The following SHROOM3 variants were observed in gnomAD, a reference collection of about 807,000 sequenced individuals.
The protein encoded by SHROOM3 is shroom family member 3.
A neutral mutation model predicts 138.6 loss-of-function variants in SHROOM3; 47 were observed. The observed-to-expected ratio is 0.34, with a 90% confidence interval of 0.27 to 0.43. The LOEUF is 0.43. Among genes scored for constraint, SHROOM3 ranks in the 20% least tolerant of loss-of-function variants. The pLI is 1.00. For synonymous variants in SHROOM3, 1,062 were observed against 1,063.3 expected (o/e 1.00, Z 0.02); for missense variants, 2,491 against 2,596.5 (o/e 0.96, Z 0.88).
At chr4:76,756,377 T>C in intron 7 of SHROOM3, 72 bp from the exon 8 acceptor site, 6 of 1,529,038 alleles carry the variant, frequency 3.9e-6, no homozygotes, top group South Asian at 1.2e-5. Context: ...CACCCTCTTA[T>C]CATCACCCTT....
intron 2 of SHROOM3, among the ~76,000 whole-genome samples, chr4:76,704,084 A>G (rs971911684): frequency 6.6e-6 from 1 of 152,242 alleles, no homozygotes; most frequent in Non-Finnish European, 1.5e-5. Context: ...CTAGAAAGTA[A>G]CTAGAAGAAA....
intron 1 of SHROOM3, among the ~76,000 whole-genome samples, chr4:76,515,658 G>C (rs780143835): frequency 6.6e-6 from 1 of 152,120 alleles, no homozygotes; most frequent in Non-Finnish European, 1.5e-5. Context: ...AATATTTCTT[G>C]GTTAATGTTT....
chr4:76,650,436 G>A (rs1046124816), intron 2 of SHROOM3, among the ~76,000 whole-genome samples: 2 of 152,102 alleles, frequency 1.3e-5, no homozygotes, highest in African/African-American at 4.8e-5. Flanking sequence ...CCACTGCAGG[G>A]TATATACCTC....
At chr4:76,536,363 G>C (rs1732953378) in intron 1 of SHROOM3, among the ~76,000 whole-genome samples, 1 of 152,172 alleles carries the variant, frequency 6.6e-6, no homozygotes, top group Non-Finnish European at 1.5e-5. Context: ...TTCATTTTAA[G>C]GTGGTATCAA....
At chr4:76,721,120 G>T (rs942701206) in intron 3 of SHROOM3, among the ~76,000 whole-genome samples, 1 of 151,552 alleles carries the variant, frequency 6.6e-6, no homozygotes, top group Non-Finnish European at 1.5e-5. Flanking sequence ...GACCATCCCG[G>T]CTAAAACGGT....
intron 1 of SHROOM3, among the ~76,000 whole-genome samples, chr4:76,443,346 A>G (rs1054783032): frequency 3.9e-5 from 6 of 152,218 alleles, no homozygotes; most frequent in African/African-American, 1.2e-4. Flanking sequence ...CAGGGGACAC[A>G]ATTTATTTTA....
intron 2 of SHROOM3, among the ~76,000 whole-genome samples, chr4:76,703,394 C>CAGGAACA (rs200043900): frequency 1.3e-5 from 2 of 152,104 alleles, no homozygotes; most frequent in African/African-American, 4.8e-5. Context: ...AGGTCAGTAA[C>CAGGAACA]AGGAACAAGG....
intron 2 of SHROOM3, among the ~76,000 whole-genome samples, chr4:76,570,010 G>T (rs370742736): frequency 9.9e-5 from 15 of 152,254 alleles, no homozygotes; most frequent in Admixed American, 3.9e-4. Context: ...AAAGTCTCTA[G>T]CATCGTGCCT....
chr4:76,754,352 C>A lies in SHROOM3; in HGVS notation c.3869C>A (p.Pro1290Gln), dbSNP rs3733242. The A allele has an allele frequency of 7.8e-5, 126 of 1,613,810 alleles. No homozygotes were observed. The highest frequency in any genetic ancestry group is 1.0e-4 in the Non-Finnish European group (121 of 1,179,988). Residue 1290 changes from proline (P) to glutamine (Q), a missense_variant, in exon 7 of 11, where the codon CCG (proline) becomes CAG (glutamine). Around this residue, in one of 4 missense-constraint regions of SHROOM3, gnomAD observed 1,733 missense variants for 1,661.6 expected, o/e 1.04. Transcript: ENST00000296043. ...GAAAGAGGCCAAGAAGAGATGCTGCCGCTCTTCCACCATCTCACCCCTCGT... is the reference window on the plus strand; with the variant it reads ...GAAAGAGGCCAAGAAGAGATGCTGCAGCTCTTCCACCATCTCACCCCTCGT... ...CSERGQEEMLPLFHHLTPRWG... is the reference protein window; with the variant it reads ...CSERGQEEMLQLFHHLTPRWG...
chr4:76,757,555 G>C (rs567165073), intron 8 of SHROOM3, among the ~76,000 whole-genome samples: 21 of 152,338 alleles, frequency 1.4e-4, no homozygotes, highest in Non-Finnish European at 2.6e-4. Flanking sequence ...GTAAGGAGGA[G>C]AGCCTAGAGA....
At chr4:76,649,643 T>C (rs2110087606) in intron 2 of SHROOM3, among the ~76,000 whole-genome samples, 1 of 152,288 alleles carries the variant, frequency 6.6e-6, no homozygotes, top group African/African-American at 2.4e-5. Context: ...CTCTAAAAAA[T>C]CATACAGATA....
At chr4:76,672,204 T>C (rs1718902961) in intron 2 of SHROOM3, among the ~76,000 whole-genome samples, 1 of 152,142 alleles carries the variant, frequency 6.6e-6, no homozygotes, top group Non-Finnish European at 1.5e-5. Flanking sequence ...TCTAATTCTA[T>C]AAATGAGATT....
At chr4:76,684,172 A>G (rs1047786199) in intron 2 of SHROOM3, among the ~76,000 whole-genome samples, 2 of 152,188 alleles carry the variant, frequency 1.3e-5, no homozygotes, top group African/African-American at 4.8e-5. Context: ...GTTGCTTCCA[A>G]TTTACAGGAT....
Position 76,555,728 on chromosome 4 carries a change from A to G in SHROOM3, c.288A>G (p.Lys96=), listed in dbSNP as rs781189685. 6.2e-7 allele frequency: 1 copy of G among 1,613,834 alleles called. No individual in the cohort carries two copies. The highest frequency in any genetic ancestry group is 8.5e-7 in the Non-Finnish European group (1 of 1,179,988). Reference sequence around the variant, plus strand: ...GAAAGGAGGCAGTTTCCCTGGTGAAAGGATCCTACAAGACCCTCAGGCTGG... The same window carrying G: ...GAAAGGAGGCAGTTTCCCTGGTGAAGGGATCCTACAAGACCCTCAGGCTGG... ...SSRKEAVSLV[K]GSYKTLRLVV... Residue 96 remains lysine (K), a synonymous_variant, in exon 2 of 11, where the codon AAA becomes AAG. Transcript: ENST00000296043.
At chr4:76,531,632 T>C (rs1732829962) in intron 1 of SHROOM3, among the ~76,000 whole-genome samples, 1 of 152,208 alleles carries the variant, frequency 6.6e-6, no homozygotes, top group Non-Finnish European at 1.5e-5. Flanking sequence ...GGAATAAATA[T>C]TGATCTCTGC....
At chr4:76,605,016 T>C (rs1734585579) in intron 2 of SHROOM3, among the ~76,000 whole-genome samples, 1 of 152,244 alleles carries the variant, frequency 6.6e-6, no homozygotes. Context: ...ACCTTTGATA[T>C]AGTGCTGAAT....
intron 2 of SHROOM3, among the ~76,000 whole-genome samples, chr4:76,696,739 C>T (rs971995396): frequency 6.6e-6 from 1 of 152,144 alleles, no homozygotes; most frequent in African/African-American, 2.4e-5. Flanking sequence ...AGATTCTGTT[C>T]CCAATACCAT....
rs377175218 is a variant in SHROOM3, at chr4:76,710,189, T to G, written c.357T>G (p.Thr119=). The change falls in exon 3 of 11, where the codon ACT becomes ACG. Residue 119 remains threonine (T), a synonymous_variant. Coordinates refer to ENST00000296043, the MANE Select transcript of SHROOM3 (RefSeq NM_020859.4). ...DVCTDPGHAD[T]GASNFVSPEH... ...GCACAGACCCAGGCCATGCAGATAC[T>G]GGTGCCTCTAACTTCGTCAGCCCAG... The G allele has an allele frequency of 6.2e-7, 1 of 1,614,074 alleles. No homozygotes were observed. The highest frequency in any genetic ancestry group is 8.5e-7 in the Non-Finnish European group (1 of 1,180,030).
chr4:76,739,754 G>A lies in SHROOM3; in HGVS notation c.1581G>A (p.Gly527=). Residue 527 remains glycine, a synonymous_variant, in exon 5 of 11, where the codon GGG becomes GGA. Transcript: ENST00000296043. The part of the protein sequence containing the change: ...NGNQNGSGRP[G]FAFCQPLEHD... ...ACCAGAATGGATCTGGCAGGCCTGG[G>A]TTTGCCTTCTGCCAGCCCTTAGAAC... The A allele has an allele frequency of 6.2e-7, 1 of 1,614,192 alleles. No individual in the cohort carries two copies. The highest frequency in any genetic ancestry group is 8.5e-7 in the Non-Finnish European group (1 of 1,180,026).
Sources: gnomAD v4.1 joint callset for allele counts (sites outside exome capture counted in the v4.1 genomes callset) on GRCh38, gnomAD v4.1.1 for gene constraint, gnomAD v4.1.1 regional missense constraint, MANE v1.5 for transcripts, NCBI Gene and HGNC (gene_info 2026-07-23, HGNC 2026-07-21) for gene names.